The following UST variants were observed in gnomAD, a reference collection of about 807,000 sequenced individuals.
The protein encoded by UST is chondroitin sulfate 2-O-sulfotransferase.
A neutral mutation model predicts 45.6 loss-of-function variants in UST; 21 were observed. That is an observed-to-expected ratio of 0.46 (90% CI 0.33 to 0.66). UST has a LOEUF of 0.66. Among genes scored for constraint, UST ranks in the 30% least tolerant of loss-of-function variants. UST has a pLI of 0.02. For missense variants in UST, 463 were observed against 512.4 expected (o/e 0.90, Z 0.93); for synonymous variants, 215 against 200.6 (o/e 1.07, Z -0.61).
chr6:148,842,844 T>C (rs1293114005), intron 1 of UST, among the ~76,000 whole-genome samples: 3 of 152,170 alleles, frequency 2.0e-5, no homozygotes, highest in Non-Finnish European at 4.4e-5. Context: ...GCAATCCTAG[T>C]GAGTAGTACT....
chr6:148,947,092 A>G (rs1204891914), intron 3 of UST, among the ~76,000 whole-genome samples: 3 of 152,120 alleles, frequency 2.0e-5, no homozygotes, highest in Admixed American at 6.5e-5. Flanking sequence ...ATGTGGGAGA[A>G]TAAGACTTGA....
rs535059723 is a variant in UST, at chr6:148,809,979, G to C, written c.247+62302G>C. Among the ~76,000 whole-genome samples the C allele has an allele frequency of 5.3e-5, 8 of 152,326 alleles. No individual in the cohort carries two copies. The South Asian group carries it at 1.7e-3, about 32-fold the overall frequency. On this transcript the variant is annotated intron_variant, in intron 1 of 7. Coordinates refer to ENST00000367463, the MANE Select transcript of UST (RefSeq NM_005715.3). ...ACAGAAAGTTGGTATCAATTTGAGAGGGAAGGAGTGTTCTCTGCTGGAGGA... is the reference window on the plus strand; with the variant it reads ...ACAGAAAGTTGGTATCAATTTGAGACGGAAGGAGTGTTCTCTGCTGGAGGA...
intron 1 of UST, among the ~76,000 whole-genome samples, chr6:148,789,940 A>T (rs1386247453): frequency 6.6e-6 from 1 of 150,590 alleles, no homozygotes; most frequent in Non-Finnish European, 1.5e-5. Flanking sequence ...AATATCACAC[A>T]TGTCAGTGAA....
At chr6:148,827,472 A>G (rs1447828338) in intron 1 of UST, among the ~76,000 whole-genome samples, 1 of 152,110 alleles carries the variant, frequency 6.6e-6, no homozygotes, top group African/African-American at 2.4e-5. Flanking sequence ...TACAAAGATT[A>G]GCCAGGCATG....
rs149047862 is a variant in UST, at chr6:148,774,904, G to A, written c.247+27227G>A. ...ATGGTGGCAGGCGCCTGTAATCCCA[G>A]CTACTGGGGAGGCTGGGGCAGGAGA... On this transcript the variant is annotated intron_variant, in intron 1 of 7. Coordinates refer to ENST00000367463, the MANE Select transcript of UST (RefSeq NM_005715.3). Among the ~76,000 whole-genome samples, 356 of 152,256 alleles carry A rather than the reference G, an allele frequency of 2.3e-3. 1 individual carries two copies. Among genetic ancestry groups the A allele is most frequent in the Non-Finnish European group, 4.1e-3 (279 of 68,030 alleles).
chr6:149,019,116 G>T, intron 5 of UST, 23 bp from the exon 6 acceptor site: 2 of 1,557,816 alleles, frequency 1.3e-6, no homozygotes, highest in South Asian at 2.2e-5. Flanking sequence ...CAAGACATCT[G>T]ACTGCTGTAT....
At chr6:149,052,270 G>A (rs1267628456) in intron 7 of UST, among the ~76,000 whole-genome samples, 1 of 152,136 alleles carries the variant, frequency 6.6e-6, no homozygotes, top group Non-Finnish European at 1.5e-5. Flanking sequence ...GCAGAATACT[G>A]ATGTTTCAAG....
At chr6:149,025,312 A>T (rs1423627900) in intron 7 of UST, among the ~76,000 whole-genome samples, 1 of 152,218 alleles carries the variant, frequency 6.6e-6, no homozygotes, top group Non-Finnish European at 1.5e-5. Flanking sequence ...TAGCCTTTAG[A>T]ACTTTTTTTA....
intron 1 of UST, among the ~76,000 whole-genome samples, chr6:148,805,125 A>T (rs545919274): frequency 5.3e-5 from 8 of 152,310 alleles, no homozygotes; most frequent in Admixed American, 4.6e-4. Context: ...CATAAAGTAG[A>T]CCATTTCGTA....
chr6:148,992,617 TTGGTTG>T (rs1781377223), intron 5 of UST, among the ~76,000 whole-genome samples: 1 of 152,174 alleles, frequency 6.6e-6, no homozygotes, highest in Non-Finnish European at 1.5e-5. Flanking sequence ...GCATGAAAAC[TTGGTTG>T]TGGTTGTAGT....
chr6:148,805,190 A>G (rs1239520560), intron 1 of UST, among the ~76,000 whole-genome samples: 1 of 152,140 alleles, frequency 6.6e-6, no homozygotes, highest in African/African-American at 2.4e-5. Context: ...TTCCAATTTC[A>G]CATTTGAAGG....
chr6:148,978,846 T>A (rs2500518), intron 5 of UST, among the ~76,000 whole-genome samples: 61,384 of 151,130 alleles, frequency 0.41, 12,525 homozygotes, highest in Admixed American at 0.49. Flanking sequence ...AAAATTTTTT[T>A]AAAAAAAAAT....
At chr6:148,984,070 C>T (rs1207792802) in intron 5 of UST, among the ~76,000 whole-genome samples, 1 of 152,190 alleles carries the variant, frequency 6.6e-6, no homozygotes, top group East Asian at 1.9e-4. Flanking sequence ...TTTTCAGGAA[C>T]CTACCCATCT....
intron 1 of UST, among the ~76,000 whole-genome samples, chr6:148,812,613 G>A (rs971133721): frequency 2.6e-5 from 4 of 152,214 alleles, no homozygotes; most frequent in African/African-American, 9.7e-5. Flanking sequence ...ATGGCAGCCA[G>A]CAGGAGACTT....
intron 1 of UST, among the ~76,000 whole-genome samples, chr6:148,840,314 A>G (rs1434517659): frequency 6.6e-6 from 1 of 152,158 alleles, no homozygotes; most frequent in African/African-American, 2.4e-5. Flanking sequence ...CCCCATGTGA[A>G]TCCAAACCCT....
At chr6:148,869,639 C>T (rs539548326) in intron 1 of UST, among the ~76,000 whole-genome samples, 5 of 152,324 alleles carry the variant, frequency 3.3e-5, no homozygotes, top group East Asian at 1.9e-4. Flanking sequence ...TGGCATCAAA[C>T]GCATTTCATC....
intron 2 of UST, among the ~76,000 whole-genome samples, chr6:148,926,294 C>A (rs183195946): frequency 2.6e-5 from 4 of 152,196 alleles, no homozygotes; most frequent in Admixed American, 2.6e-4. Flanking sequence ...GAGGATAATA[C>A]CTGTAGCCAT....
chr6:149,046,114 C>G (rs1032708283), intron 7 of UST, among the ~76,000 whole-genome samples: 7 of 152,198 alleles, frequency 4.6e-5, no homozygotes, highest in Non-Finnish European at 8.8e-5. Context: ...CTTTAATGCA[C>G]TTAGAACATA....
chr6:148,836,516 GC>G (rs1777788530), intron 1 of UST, among the ~76,000 whole-genome samples: 1 of 152,194 alleles, frequency 6.6e-6, no homozygotes, highest in Admixed American at 6.5e-5. Flanking sequence ...GAACCTTTTC[GC>G]TGAGTCGCCT....
Sources: allele counts gnomAD v4.1 joint callset (sites outside exome capture counted in the v4.1 genomes callset), GRCh38; gene constraint gnomAD v4.1.1; transcripts MANE v1.5; gene names NCBI Gene and HGNC (gene_info 2026-07-23, HGNC 2026-07-21).